Variants in NAA25 observed in about 807,000 individuals in gnomAD.
NAA25 encodes N-alpha-acetyltransferase 25, NatB auxiliary subunit.
A neutral mutation model predicts 132.5 loss-of-function variants in NAA25; 30 were observed. The observed-to-expected ratio is 0.23, with a 90% confidence interval of 0.17 to 0.31. NAA25 has a LOEUF of 0.31. Among genes scored for constraint, NAA25 ranks in the 10% least tolerant of loss-of-function variants. The probability of loss-of-function intolerance (pLI) is 1.00; values close to 1 mark genes in which losing one functional copy is unlikely to be tolerated. For synonymous variants in NAA25, 359 were observed against 401.9 expected (o/e 0.89, Z 1.28); for missense variants, 771 against 1,150.4 (o/e 0.67, Z 4.77).
rs527563211 is a variant in NAA25, at chr12:112,092,353, A to C, written c.144+698T>G. Among the ~76,000 whole-genome samples the C allele has an allele frequency of 3.9e-4, 59 of 152,192 alleles. 1 individual carries two copies. The highest frequency in any genetic ancestry group is 7.4e-4 in the Non-Finnish European group (50 of 67,990). On this transcript the variant is annotated intron_variant, in intron 2 of 23. Coordinates refer to ENST00000261745, the MANE Select transcript of NAA25 (RefSeq NM_024953.4). Reference sequence around the variant, plus strand: ...AAAACACAAATAGTCAGTTGGGCGCAGTAGCTCATGCCTGTAACCCCAGCA... The same window carrying C: ...AAAACACAAATAGTCAGTTGGGCGCCGTAGCTCATGCCTGTAACCCCAGCA...
chr12:112,065,374 C>T (rs1173306650), intron 11 of NAA25: 1 of 152,214 alleles, frequency 6.6e-6, no homozygotes, highest in African/African-American at 2.4e-5. Context: ...GTGGCGGGCA[C>T]CTGTAATCCC....
intron 22 of NAA25, chr12:112,035,310 C>T (rs2078209110): frequency 6.6e-6 from 1 of 152,138 alleles, no homozygotes; most frequent in Non-Finnish European, 1.5e-5. Context: ...GCCAATCTGA[C>T]CTATACTTTC....
Position 112,061,240 on chromosome 12 carries a change from T to G in NAA25, c.1298A>C (p.Asn433Thr), listed in dbSNP as rs2078625967. The part of the protein sequence containing the change: ...LLGLYHTMDK[N>T]QKLSVVRELM... ...TTCTCTGACCACACTCAATTTCTGA[T>G]TTTTATCCATGGTGTGGTACAAGCC... The change falls in exon 12 of 24, where the codon AAT becomes ACT. Residue 433 changes from asparagine to threonine, a missense_variant. This residue lies in a region of NAA25 where 417 missense variants were observed against 733.8 expected (regional missense o/e 0.57). Coordinates refer to ENST00000261745, the MANE Select transcript of NAA25 (RefSeq NM_024953.4). The G allele has an allele frequency of 1.9e-6, 3 of 1,614,132 alleles. No individual in the cohort carries two copies. The highest frequency in any genetic ancestry group is 2.5e-6 in the Non-Finnish European group (3 of 1,180,022).
intron 11 of NAA25, among the ~76,000 whole-genome samples, chr12:112,062,717 A>G (rs1378461106): frequency 6.6e-6 from 1 of 150,924 alleles, no homozygotes; most frequent in Non-Finnish European, 1.5e-5. Flanking sequence ...CAAGAGTGAA[A>G]CTCCGTATTA....
At chr12:112,041,322 G>A (rs1013583955) in intron 20 of NAA25, among the ~76,000 whole-genome samples, 25 of 151,858 alleles carry the variant, frequency 1.6e-4, no homozygotes, top group African/African-American at 5.8e-4. Flanking sequence ...CGAGTAGCTG[G>A]GACTACAGGA....
At chr12:112,106,431 G>A (rs559296736) in intron 1 of NAA25, among the ~76,000 whole-genome samples, 2 of 150,966 alleles carry the variant, frequency 1.3e-5, no homozygotes, top group East Asian at 3.9e-4. Flanking sequence ...GCACAAAGCT[G>A]TAATGAGTCA....
intron 11 of NAA25, 99 bp from the exon 12 acceptor site, chr12:112,061,487 A>T (rs574758942): frequency 5.6e-6 from 5 of 900,362 alleles, no homozygotes; most frequent in Middle Eastern, 2.3e-4. Flanking sequence ...AAAGACATCA[A>T]GAAAAAAAAA....
intron 3 of NAA25, chr12:112,090,175 T>C (rs1331088053): frequency 6.6e-6 from 1 of 152,064 alleles, no homozygotes; most frequent in Admixed American, 6.6e-5. Flanking sequence ...GAGTTTTCAT[T>C]ATTACACATC....
chr12:112,078,889 G>A lies in NAA25; in HGVS notation c.478-148C>T, dbSNP rs144801676. On this transcript the variant is annotated intron_variant, in intron 5 of 23. Transcript: ENST00000261745. Reference sequence around the variant, plus strand: ...ATTCCCTGCCAAGGAGGTACATTACGGAGCAGTTTGTTTTACAAAAGATTT... The same window carrying A: ...ATTCCCTGCCAAGGAGGTACATTACAGAGCAGTTTGTTTTACAAAAGATTT... 1.3e-5 allele frequency: 8 copies of A among 622,960 alleles called. No individual in the cohort carries two copies. The East Asian group carries it at 1.4e-4, about 11-fold the overall frequency. 38.6% of individuals were successfully genotyped at this position (622,960 alleles called of 1,614,324 possible).
At chr12:112,089,175 C>T (rs1413047987) in intron 3 of NAA25, among the ~76,000 whole-genome samples, 3 of 151,980 alleles carry the variant, frequency 2.0e-5, no homozygotes, top group Non-Finnish European at 2.9e-5. Flanking sequence ...CTGAGGCAGG[C>T]GGATTGCTTG....
At chr12:112,037,158 G>A (rs1220989302) in intron 22 of NAA25, among the ~76,000 whole-genome samples, 1 of 151,534 alleles carries the variant, frequency 6.6e-6, no homozygotes, top group Non-Finnish European at 1.5e-5. Flanking sequence ...AAAGGAGCTA[G>A]CCAAATTTGG....
At chr12:112,093,008 A>C (rs970192633) in intron 2 of NAA25, 43 bp downstream of exon 2, 6 of 1,397,524 alleles carry the variant, frequency 4.3e-6, no homozygotes, top group South Asian at 1.2e-5. Context: ...AATTACAAAT[A>C]TAACCCGCCA....
chr12:112,063,200 A>G (rs1255155124), intron 11 of NAA25, among the ~76,000 whole-genome samples: 3 of 152,372 alleles, frequency 2.0e-5, no homozygotes, highest in Middle Eastern at 3.4e-3. Context: ...AACAGTATGC[A>G]ATGAGGCAGA....
At chr12:112,078,832 A>G (rs2078930174) in intron 5 of NAA25, 91 bp from the exon 6 acceptor site, 1 of 1,006,512 alleles carries the variant, frequency 9.9e-7, no homozygotes, top group Non-Finnish European at 1.5e-6. Flanking sequence ...ATAATTATCA[A>G]TCCACCATGT....
chr12:112,088,331 T>TTTG, intron 3 of NAA25, among the ~76,000 whole-genome samples: 1 of 144,678 alleles, frequency 6.9e-6, no homozygotes, highest in Non-Finnish European at 1.5e-5. Context: ...TTTTTTTTTT[T>TTTG]TTTTTTTTTT....
rs1337450024 is a variant in NAA25 at position 112,029,268 on chromosome 12, AG to A, written c.*262del. On this transcript the variant is annotated 3_prime_UTR_variant, in exon 24 of 24. Transcript: ENST00000261745. ...TTCTGGTGATGGGAAGAAGAAAAGT[AG>A]GGTTCTCTTGTTGCTGCCATATGCA... is the stretch of plus-strand genomic sequence containing the variant. 1.5e-5 allele frequency: 6 copies of A among 396,870 alleles called. No homozygotes were observed. The highest frequency in any genetic ancestry group is 8.8e-5 in the East Asian group (2 of 22,688). 24.6% of individuals were successfully genotyped at this position (396,870 alleles called of 1,614,324 possible).
intron 2 of NAA25, among the ~76,000 whole-genome samples, chr12:112,091,284 C>T (rs1302722792): frequency 6.6e-6 from 1 of 151,056 alleles, no homozygotes; most frequent in East Asian, 1.9e-4. Context: ...TGGCATGGTG[C>T]ACTCATGCGT....
intron 11 of NAA25, among the ~76,000 whole-genome samples, chr12:112,062,888 A>G (rs2078657946): frequency 6.6e-6 from 1 of 151,820 alleles, no homozygotes; most frequent in South Asian, 2.1e-4. Flanking sequence ...CTAAAAAAAC[A>G]AACAAACAAA....
At chr12:112,059,956 C>A (rs552321339) in intron 13 of NAA25, among the ~76,000 whole-genome samples, 2 of 152,008 alleles carry the variant, frequency 1.3e-5, no homozygotes, top group South Asian at 4.2e-4. Context: ...TACAGGCATG[C>A]GCCCAAATGC....
Sources: allele counts gnomAD v4.1 joint callset (sites outside exome capture counted in the v4.1 genomes callset), GRCh38; gene constraint gnomAD v4.1.1; regional missense constraint gnomAD v4.1.1; transcripts MANE v1.5; gene names NCBI Gene and HGNC (gene_info 2026-07-23, HGNC 2026-07-21).